Variants in EPSTI1 observed in about 807,000 individuals in gnomAD.
The protein encoded by EPSTI1 is epithelial stromal interaction 1.
EPSTI1 carries 66 observed loss-of-function variants against 49.9 expected under a neutral mutation model. That is an observed-to-expected ratio of 1.32 (90% CI 1.08 to 1.62). The LOEUF is 1.62. Ranked by LOEUF, EPSTI1 falls within the 40% of genes most tolerant of loss-of-function variation. The pLI, the probability that EPSTI1 is intolerant of heterozygous loss-of-function variation, is 0.00. For missense variants in EPSTI1, 394 were observed against 365.5 expected (o/e 1.08, Z -0.64); for synonymous variants, 137 against 130.7 (o/e 1.05, Z -0.33).
intron 1 of EPSTI1, among the ~76,000 whole-genome samples, chr13:42,971,618 G>A (rs201903807): frequency 2.8e-4 from 42 of 151,640 alleles, no homozygotes; most frequent in East Asian, 3.9e-4. Context: ...AAGAGGGAGG[G>A]AAAAAACCCC....
intron 1 of EPSTI1, among the ~76,000 whole-genome samples, chr13:42,981,080 G>C (rs908397418): frequency 2.6e-5 from 4 of 152,044 alleles, no homozygotes; most frequent in African/African-American, 9.7e-5. Flanking sequence ...TTTTCTACAG[G>C]ACTTTAATGG....
In EPSTI1 at chr13:42,889,322, A is replaced by C. The variant is rs964070475; in HGVS notation, c.916-820T>G. On this transcript the variant is annotated intron_variant, in intron 10 of 10. Transcript: ENST00000313624. ...AATGTATATGTTAAGAAATATGAGAAGACTGATTTAAATTAACAATGATTA... is the reference window on the plus strand; with the variant it reads ...AATGTATATGTTAAGAAATATGAGACGACTGATTTAAATTAACAATGATTA... The C allele has an allele frequency of 5.7e-6, 5 of 879,082 alleles. No individual in the cohort carries two copies. In the African/African-American group the frequency reaches 8.7e-5, roughly 15 times the overall value. The allele number at this position is 879,082 out of a possible 1,614,324, so 54.5% of individuals were successfully genotyped here. A position where few individuals can be genotyped will look rare whatever the true frequency, so the allele number is the denominator to read the frequency against.
At chr13:42,949,728 A>G (rs1417190700) in intron 6 of EPSTI1, among the ~76,000 whole-genome samples, 3 of 152,154 alleles carry the variant, frequency 2.0e-5, no homozygotes, top group Admixed American at 6.5e-5. Flanking sequence ...TTAAAAGAAC[A>G]CTTTTTCCTA....
Position 42,922,452 on chromosome 13 carries a change from G to A in EPSTI1, c.657+3884C>T, listed in dbSNP as rs546011083. On this transcript the variant is annotated intron_variant, in intron 7 of 10. Coordinates refer to ENST00000313624, the MANE Select transcript of EPSTI1 (RefSeq NM_033255.5). This position sits in a 1 kb window ranked among gnomAD's most constrained non-coding sequence, Gnocchi z 4.8. ...TGGGTGAGATGGAAGCTAAACTGGA[G>A]CCATGCAGCCGTGTGCCAAGGGTTT... 1.2e-4 allele frequency among the ~76,000 whole-genome samples: 18 copies of A among 152,294 alleles called. No homozygotes were observed. Among genetic ancestry groups the A allele is most frequent in the South Asian group, 2.1e-4 (1 of 4,826 alleles).
At chr13:42,963,988 G>T in intron 4 of EPSTI1, 78 bp downstream of exon 4, 2 of 1,268,036 alleles carry the variant, frequency 1.6e-6, no homozygotes, top group Non-Finnish European at 2.2e-6. Context: ...TAAAGTTACT[G>T]TGTTATTTCA....
chr13:42,973,206 G>A (rs1322369773), intron 1 of EPSTI1, among the ~76,000 whole-genome samples: 1 of 152,168 alleles, frequency 6.6e-6, no homozygotes, highest in African/African-American at 2.4e-5. Context: ...TTTTAAGTCC[G>A]ACATCATACT....
At chr13:42,970,782 T>A (rs1373825170) in intron 1 of EPSTI1, 112 bp from the exon 2 acceptor site, 2 of 750,920 alleles carry the variant, frequency 2.7e-6, no homozygotes, top group African/African-American at 1.8e-5. Flanking sequence ...TACCATCAAA[T>A]AGGCACTATG....
chr13:42,916,188 A>T (rs11619370), intron 8 of EPSTI1, among the ~76,000 whole-genome samples: 45,588 of 151,650 alleles, frequency 0.3, 8,197 homozygotes, highest in Non-Finnish European at 0.4. Flanking sequence ...TCTACTTGTT[A>T]ACTACTAGAA....
intron 6 of EPSTI1, among the ~76,000 whole-genome samples, chr13:42,949,045 C>G (rs926551445): frequency 6.6e-6 from 1 of 152,168 alleles, no homozygotes; most frequent in African/African-American, 2.4e-5. Flanking sequence ...CTAACACTAA[C>G]AGACTCTTTG....
In EPSTI1 at chr13:42,986,701, C is replaced by T. The variant is rs868550935; in HGVS notation, c.188+5277G>A. ...CAGAGGTGGCAGTGAACTGAGATCA[C>T]GCCACTGCACTACAGCCTGGGTGAC... On this transcript the variant is annotated intron_variant, in intron 1 of 10. Coordinates refer to ENST00000313624, the MANE Select transcript of EPSTI1 (RefSeq NM_033255.5). Among the ~76,000 whole-genome samples, 17 of 133,760 alleles carry T rather than the reference C, an allele frequency of 1.3e-4. No individual in the cohort carries two copies. The South Asian group carries it at 3.2e-3, about 25-fold the overall frequency. The allele number at this position is 133,760 out of a possible 152,430, so 87.8% of individuals were successfully genotyped here.
At chr13:42,965,592 A>C (rs1332554865) in intron 3 of EPSTI1, among the ~76,000 whole-genome samples, 3 of 152,188 alleles carry the variant, frequency 2.0e-5, no homozygotes, top group African/African-American at 7.2e-5. Flanking sequence ...TGTCATTCTG[A>C]ATTCTATGTC....
At chr13:42,909,327 C>T (rs1594629495) in intron 8 of EPSTI1, among the ~76,000 whole-genome samples, 1 of 152,074 alleles carries the variant, frequency 6.6e-6, no homozygotes, top group Non-Finnish European at 1.5e-5. Flanking sequence ...AACCCTTACA[C>T]GCTGCTTGTG....
At chr13:42,891,307 G>A (rs2037027981) in intron 10 of EPSTI1, among the ~76,000 whole-genome samples, 1 of 152,108 alleles carries the variant, frequency 6.6e-6, no homozygotes, top group Admixed American at 6.5e-5. Flanking sequence ...GAAATAATCT[G>A]TTCCTTGAAA....
chr13:42,935,403 T>C (rs904973199), intron 6 of EPSTI1, among the ~76,000 whole-genome samples: 1 of 152,172 alleles, frequency 6.6e-6, no homozygotes, highest in Non-Finnish European at 1.5e-5. Context: ...AAGTCAACCA[T>C]CTGCTTTCTC....
chr13:42,977,856 T>C (rs938846505), intron 1 of EPSTI1, among the ~76,000 whole-genome samples: 2 of 152,170 alleles, frequency 1.3e-5, no homozygotes, highest in African/African-American at 4.8e-5. Context: ...TCAGTTAATT[T>C]ATAAAGTTTA....
Position 42,893,920 on chromosome 13 carries a change from A to C in EPSTI1, c.915+1089T>G, listed in dbSNP as rs148155883. ...AGACACTATGTGTACTTTGTATCAC[A>C]CAATGCAAAGATCCTGCGTTTCAAT... On this transcript the variant is annotated intron_variant, in intron 10 of 10. Coordinates refer to ENST00000313624, the MANE Select transcript of EPSTI1 (RefSeq NM_033255.5). Among the ~76,000 whole-genome samples the C allele has an allele frequency of 3.7e-4, 57 of 152,342 alleles. 1 individual carries two copies. The highest frequency in any genetic ancestry group is 1.3e-3 in the African/African-American group (56 of 41,584).
chr13:42,975,799 CAT>C (rs773956115), intron 1 of EPSTI1, among the ~76,000 whole-genome samples: 13 of 145,474 alleles, frequency 8.9e-5, no homozygotes, highest in African/African-American at 2.3e-4. Context: ...CACACACACA[CAT>C]AAGTAAAAGC....
At chr13:42,968,129 T>C (rs1469670109) in intron 3 of EPSTI1, among the ~76,000 whole-genome samples, 1 of 152,222 alleles carries the variant, frequency 6.6e-6, no homozygotes, top group African/African-American at 2.4e-5. Flanking sequence ...TGTTCTCACA[T>C]AGCCAATCTC....
chr13:42,940,481 T>C (rs968010432), intron 6 of EPSTI1, among the ~76,000 whole-genome samples: 2 of 152,228 alleles, frequency 1.3e-5, no homozygotes, highest in Non-Finnish European at 2.9e-5. Flanking sequence ...CATTTGCTCA[T>C]GGAGCCATAT....
Sources: gnomAD v4.1 joint callset for allele counts (sites outside exome capture counted in the v4.1 genomes callset) on GRCh38, gnomAD v4.1.1 for gene constraint, Gnocchi (gnomAD v3.1) non-coding constraint, MANE v1.5 for transcripts, NCBI Gene and HGNC (gene_info 2026-07-23, HGNC 2026-07-21) for gene names.